HEMK2: variants seen among roughly 807,000 people sequenced by gnomAD.
HEMK2 encodes HemK methyltransferase 2, ETF1 glutamine and histone H4 lysine.
At chr21:28,717,646 A>G in the HEMK2 span, among the ~76,000 whole-genome samples, 3 of 151,594 alleles carry the variant, frequency 2.0e-5, no homozygotes, top group East Asian at 5.8e-4. Flanking sequence ...CCTCCAGCTA[A>G]TTTTTGTATT....
the HEMK2 span, among the ~76,000 whole-genome samples, chr21:28,759,180 A>C: frequency 6.6e-6 from 1 of 152,184 alleles, no homozygotes; most frequent in African/African-American, 2.4e-5. Context: ...GTTTATTAGC[A>C]AGATCCCAGC....
chr21:28,766,262 C>T, the HEMK2 span, among the ~76,000 whole-genome samples: 2 of 151,606 alleles, frequency 1.3e-5, no homozygotes, highest in Admixed American at 6.6e-5. Flanking sequence ...ATGTAACAAA[C>T]CTGCACATTG....
the HEMK2 span, among the ~76,000 whole-genome samples, chr21:28,763,907 G>A: frequency 2.2e-5 from 3 of 136,096 alleles, no homozygotes; most frequent in Non-Finnish European, 4.6e-5. Flanking sequence ...GGGAGTTAAT[G>A]TATCCCTAGA....
At chr21:28,726,392 T>A in the HEMK2 span, among the ~76,000 whole-genome samples, 195 of 152,274 alleles carry the variant, frequency 1.3e-3, 1 homozygote, top group African/African-American at 4.4e-3. Context: ...ATTTTTCTAA[T>A]TAGTTAATCT....
the HEMK2 span, among the ~76,000 whole-genome samples, chr21:28,765,501 C>T: frequency 6.6e-6 from 1 of 152,234 alleles, no homozygotes; most frequent in Admixed American, 6.5e-5. Flanking sequence ...TATTGACTTA[C>T]TGGCTTTTAG....
chr21:28,765,404 T>TTTA, the HEMK2 span, among the ~76,000 whole-genome samples: 2 of 152,142 alleles, frequency 1.3e-5, no homozygotes, highest in Admixed American at 6.6e-5. Context: ...AAAGGTGAGA[T>TTTA]GATAAATGTG....
the HEMK2 span, among the ~76,000 whole-genome samples, chr21:28,780,311 G>A: frequency 6.6e-6 from 1 of 152,144 alleles, no homozygotes; most frequent in African/African-American, 2.4e-5. Flanking sequence ...CCAAGTAGCT[G>A]TGACTACAGG....
the HEMK2 span, among the ~76,000 whole-genome samples, chr21:28,865,093 T>G: frequency 2.0e-5 from 3 of 152,140 alleles, no homozygotes; most frequent in Non-Finnish European, 4.4e-5. Context: ...AAGAGGGTCC[T>G]CCATCTCCTG....
chr21:28,840,697 A>G, the HEMK2 span, among the ~76,000 whole-genome samples: 1 of 152,030 alleles, frequency 6.6e-6, no homozygotes, highest in Non-Finnish European at 1.5e-5. Flanking sequence ...AATCAAAAAC[A>G]GTAGATACTA....
the HEMK2 span, among the ~76,000 whole-genome samples, chr21:28,705,775 G>A: frequency 6.6e-5 from 10 of 152,062 alleles, no homozygotes; most frequent in African/African-American, 1.2e-4. Context: ...GTAAATCAAC[G>A]TTCTCGCCTT....
the HEMK2 span, among the ~76,000 whole-genome samples, chr21:28,680,934 C>T: frequency 6.6e-6 from 1 of 152,184 alleles, no homozygotes; most frequent in Non-Finnish European, 1.5e-5. Context: ...GACAAAACCA[C>T]AGCCAATATC....
chr21:28,613,947 C>T, the HEMK2 span, among the ~76,000 whole-genome samples: 1 of 152,070 alleles, frequency 6.6e-6, no homozygotes, highest in Non-Finnish European at 1.5e-5. Context: ...GACTTTCTCC[C>T]CACGGTTCAA....
the HEMK2 span, among the ~76,000 whole-genome samples, chr21:28,594,530 A>G: frequency 6.6e-6 from 1 of 152,186 alleles, no homozygotes; most frequent in Non-Finnish European, 1.5e-5. Context: ...GTCTGACTGC[A>G]GGGTGCATGC....
the HEMK2 span, among the ~76,000 whole-genome samples, chr21:28,858,326 A>T: frequency 6.6e-6 from 1 of 151,986 alleles, no homozygotes; most frequent in East Asian, 1.9e-4. Flanking sequence ...GACTACCTTC[A>T]CTTCTCCTTT....
chr21:28,774,843 T>C, the HEMK2 span, among the ~76,000 whole-genome samples: 10,205 of 152,260 alleles, frequency 0.067, 387 homozygotes, highest in Middle Eastern at 0.12. Context: ...AAGATGAGCA[T>C]CTTTGTAATA....
At chr21:28,806,647 G>T in the HEMK2 span, among the ~76,000 whole-genome samples, 1 of 152,098 alleles carries the variant, frequency 6.6e-6, no homozygotes, top group African/African-American at 2.4e-5. Context: ...CAAAAGACAA[G>T]AAAATAAAAT....
the HEMK2 span, among the ~76,000 whole-genome samples, chr21:28,615,907 AAGAT>A: frequency 1.3e-5 from 2 of 152,222 alleles, no homozygotes; most frequent in African/African-American, 2.4e-5. Flanking sequence ...CAGGAAGTCT[AAGAT>A]AGCCCACTGA....
chr21:28,788,198 A>C, the HEMK2 span, among the ~76,000 whole-genome samples: 2 of 149,310 alleles, frequency 1.3e-5, no homozygotes, highest in African/African-American at 4.9e-5. Flanking sequence ...ATACGTATAT[A>C]CGTATATATA....
At chr21:28,774,576 A>T in the HEMK2 span, among the ~76,000 whole-genome samples, 1 of 151,202 alleles carries the variant, frequency 6.6e-6, no homozygotes, top group African/African-American at 2.5e-5. Flanking sequence ...TGACAAAGCA[A>T]AACCCTGCTT....
Sources: gnomAD v4.1 joint callset for allele counts (sites outside exome capture counted in the v4.1 genomes callset) on GRCh38, gnomAD v4.1.1 for gene constraint, MANE v1.5 for transcripts, NCBI Gene and HGNC (gene_info 2026-07-23, HGNC 2026-07-21) for gene names.